Variants in TRHDE observed in about 807,000 individuals in gnomAD.
TRHDE encodes the protein thyrotropin-releasing hormone-degrading ectoenzyme.
Under a neutral mutation model 125.7 loss-of-function variants are expected in TRHDE, and 72 were observed. The ratio of observed to expected loss-of-function variants is 0.57; its 90% CI spans 0.47 to 0.70. The LOEUF (loss-of-function observed/expected upper bound fraction) is 0.70, where lower values mean the gene tolerates loss of function less well. Among genes scored for constraint, TRHDE ranks in the 30% least tolerant of loss-of-function variants. TRHDE has a pLI of 0.00. For synonymous variants in TRHDE, 509 were observed against 509.1 expected, an observed-to-expected ratio of 1.00 and a Z score of 0.00; for missense variants, 1,110 against 1,327.1, an observed-to-expected ratio of 0.84 and a Z score of 2.54.
chr12:72,189,434 A>G (rs1362625537), intron 2 of TRHDE, among the ~76,000 whole-genome samples: 2 of 152,196 alleles, frequency 1.3e-5, no homozygotes, highest in Non-Finnish European at 2.9e-5. Flanking sequence ...TTCTCTGTAT[A>G]TGCAGACTCT....
Position 72,663,335 on chromosome 12 carries a change from T to G in TRHDE, c.*140T>G, listed in dbSNP as rs1874994119. The stretch of plus-strand genomic sequence containing the variant: ...GTGGGAGGAATTTTTTTTTTAGTTT[T>G]TATTTTTTGGTTTTGGGGGATATTT... On this transcript the variant is annotated 3_prime_UTR_variant, in exon 19 of 19. Coordinates refer to ENST00000261180, the MANE Select transcript of TRHDE (RefSeq NM_013381.3). 4.7e-6 allele frequency: 3 copies of G among 633,602 alleles called. No homozygotes were observed. In the Admixed American group the frequency reaches 1.2e-4, roughly 24 times the overall value. 39.2% of individuals were successfully genotyped at this position (633,602 alleles called of 1,614,324 possible).
At chr12:72,536,530 C>T (rs1868868179) in intron 6 of TRHDE, among the ~76,000 whole-genome samples, 1 of 152,214 alleles carries the variant, frequency 6.6e-6, no homozygotes, top group South Asian at 2.1e-4. Flanking sequence ...AGTCTCCTGT[C>T]TCACTAGAAC....
chr12:72,659,314 T>G (rs965236929), intron 18 of TRHDE, among the ~76,000 whole-genome samples: 2 of 152,150 alleles, frequency 1.3e-5, no homozygotes, highest in Non-Finnish European at 2.9e-5. Flanking sequence ...TTTATTTAAT[T>G]TTAAACTAAT....
intron 2 of TRHDE, among the ~76,000 whole-genome samples, chr12:72,168,091 G>T (rs184485666): frequency 0.029 from 4,427 of 152,202 alleles, 112 homozygotes; most frequent in African/African-American, 0.064. Context: ...TCCTATAACT[G>T]CCAGTCTATA....
chr12:72,441,825 A>G (rs894015148), intron 3 of TRHDE, among the ~76,000 whole-genome samples: 1 of 151,890 alleles, frequency 6.6e-6, no homozygotes, highest in Non-Finnish European at 1.5e-5. Context: ...GAACAATAAT[A>G]TTTCAGCGAT....
chr12:72,265,681 TTAAAA>T (rs772121604), intron 2 of TRHDE, among the ~76,000 whole-genome samples: 16 of 151,964 alleles, frequency 1.1e-4, no homozygotes, highest in Non-Finnish European at 2.1e-4. Flanking sequence ...CAGTGAGGTT[TTAAAA>T]TAAAACAATT....
At chr12:72,590,259 T>A (rs1871618114) in intron 12 of TRHDE, among the ~76,000 whole-genome samples, 1 of 152,078 alleles carries the variant, frequency 6.6e-6, no homozygotes, top group Non-Finnish European at 1.5e-5. Context: ...ATATTTTCAG[T>A]CTTGTTTTAT....
intron 7 of TRHDE, 26 bp downstream of exon 7, chr12:72,542,382 T>G (rs1869195979): frequency 6.3e-7 from 1 of 1,581,564 alleles, no homozygotes; most frequent in South Asian, 1.1e-5. Context: ...TTTATTTTCT[T>G]TTACATTTTT....
intron 17 of TRHDE, among the ~76,000 whole-genome samples, chr12:72,655,217 C>T: frequency 6.6e-6 from 1 of 152,170 alleles, no homozygotes; most frequent in South Asian, 2.1e-4. Context: ...GGACTACAGA[C>T]ATACACCACC....
chr12:72,312,418 G>A (rs1868589659), intron 2 of TRHDE, among the ~76,000 whole-genome samples: 2 of 151,930 alleles, frequency 1.3e-5, no homozygotes, highest in Admixed American at 1.3e-4. Context: ...TGACCTTTAG[G>A]TCAGACATTT....
At chr12:72,524,349 A>G (rs1868297858) in intron 6 of TRHDE, among the ~76,000 whole-genome samples, 4 of 152,144 alleles carry the variant, frequency 2.6e-5, no homozygotes. Context: ...CGTTCATATC[A>G]TGTATGAGTA....
At chr12:72,543,780 GATTATTATTTGGAAAGGATTATT>G (rs1869271188) in intron 7 of TRHDE, among the ~76,000 whole-genome samples, 2 of 144,690 alleles carry the variant, frequency 1.4e-5, no homozygotes, top group Non-Finnish European at 3.0e-5. Flanking sequence ...ATTTGGAAAG[GATTATTATTTGGAAAGGATTATT>G]ATTATTATTA....
intron 2 of TRHDE, among the ~76,000 whole-genome samples, chr12:72,238,381 ATTT>A (rs71457042): frequency 1.2e-5 from 1 of 82,532 alleles, no homozygotes; most frequent in African/African-American, 4.3e-5. Flanking sequence ...ATATATATAT[ATTT>A]TTTTTTAACT....
chr12:72,105,818 T>C (rs1210580757), intron 2 of TRHDE: 1 of 152,202 alleles, frequency 6.6e-6, no homozygotes, highest in Non-Finnish European at 1.5e-5. Flanking sequence ...ACAAAATACT[T>C]TATTTCATTT....
intron 2 of TRHDE, among the ~76,000 whole-genome samples, chr12:72,228,084 C>CA (rs1374943295): frequency 6.6e-6 from 1 of 152,170 alleles, no homozygotes; most frequent in Non-Finnish European, 1.5e-5. Flanking sequence ...GTCTGCATGA[C>CA]AGTGTCCCTC....
At chr12:72,143,770 G>T (rs1009540093) in intron 2 of TRHDE, among the ~76,000 whole-genome samples, 1 of 152,022 alleles carries the variant, frequency 6.6e-6, no homozygotes, top group Non-Finnish European at 1.5e-5. Context: ...TATGATGTGT[G>T]TATGTATAAC....
Position 72,575,074 on chromosome 12 carries a change from A to G in TRHDE, c.2132-181A>G, listed in dbSNP as rs878858801. ...TAATTGAGATGATAGTGAGTAACCA[A>G]TTAAAAGTTTTTCTAGCAAATTCTA... On this transcript the variant is annotated intron_variant, in intron 10 of 18. Transcript: ENST00000261180. 9.2e-5 allele frequency among the ~76,000 whole-genome samples: 14 copies of G among 152,282 alleles called. No individual in the cohort carries two copies. In the South Asian group the frequency reaches 2.9e-3, roughly 32 times the overall value.
At chr12:72,154,793 G>A (rs1167785497) in intron 2 of TRHDE, among the ~76,000 whole-genome samples, 6 of 152,180 alleles carry the variant, frequency 3.9e-5, no homozygotes, top group African/African-American at 1.4e-4. Flanking sequence ...CCCCTTGTGG[G>A]TAACCCAGCC....
chr12:72,311,249 C>G (rs955078685), intron 2 of TRHDE, among the ~76,000 whole-genome samples: 2 of 151,978 alleles, frequency 1.3e-5, no homozygotes, highest in African/African-American at 4.8e-5. Context: ...AGAAAGTCAT[C>G]TGTATCAATT....
Sources: gnomAD v4.1 joint callset for allele counts (sites outside exome capture counted in the v4.1 genomes callset) on GRCh38, gnomAD v4.1.1 for gene constraint, MANE v1.5 for transcripts, NCBI Gene and HGNC (gene_info 2026-07-23, HGNC 2026-07-21) for gene names.